Variants in FRMD6 observed in about 807,000 individuals in gnomAD.
The protein encoded by FRMD6 is FERM domain-containing protein 6.
Under a neutral mutation model 73.2 loss-of-function variants are expected in FRMD6, and 37 were observed. The observed-to-expected ratio is 0.51, with a 90% CI of 0.39 to 0.66. The LOEUF is 0.66. Among genes scored for constraint, FRMD6 ranks in the 30% least tolerant of loss-of-function variants. The pLI, the probability that FRMD6 is intolerant of heterozygous loss-of-function variation, is 0.00. For synonymous variants in FRMD6, 273 were observed against 282.2 expected (o/e 0.97, Z 0.33); for missense variants, 714 against 780.5 (o/e 0.91, Z 1.02).
intron 2 of FRMD6, among the ~76,000 whole-genome samples, chr14:51,594,306 T>TTTTTTTTA (rs1555325490): frequency 8.4e-5 from 12 of 142,996 alleles, no homozygotes; most frequent in Non-Finnish European, 1.4e-4. Flanking sequence ...TGTATTTTAT[T>TTTTTTTTA]TTTATTTATT....
intron 1 of FRMD6, among the ~76,000 whole-genome samples, chr14:51,566,983 A>G (rs1887809070): frequency 6.6e-6 from 1 of 152,170 alleles, no homozygotes; most frequent in African/African-American, 2.4e-5. Flanking sequence ...TCAAATGCCC[A>G]CAAGAGCCAG....
chr14:51,673,167 C>T (rs1894145211), intron 1 of FRMD6, among the ~76,000 whole-genome samples: 1 of 152,136 alleles, frequency 6.6e-6, no homozygotes, highest in South Asian at 2.1e-4. Context: ...GGTTTCTCCT[C>T]TGGCTAGTGG....
chr14:51,568,926 A>G (rs1427454490), intron 1 of FRMD6, among the ~76,000 whole-genome samples: 1 of 151,302 alleles, frequency 6.6e-6, no homozygotes, highest in Non-Finnish European at 1.5e-5. Flanking sequence ...GCTCACTGCA[A>G]CTTCTGCCTC....
intron 1 of FRMD6, among the ~76,000 whole-genome samples, chr14:51,535,195 T>C (rs1350015490): frequency 6.6e-6 from 1 of 152,178 alleles, no homozygotes; most frequent in Non-Finnish European, 1.5e-5. Flanking sequence ...AAAAATAGCT[T>C]ATTGAAATAT....
chr14:51,461,203 A>C, the FRMD6 span, among the ~76,000 whole-genome samples: 3 of 152,206 alleles, frequency 2.0e-5, no homozygotes, highest in African/African-American at 7.2e-5. Context: ...TTCTGTGAGA[A>C]ATTTCTCAGT....
At chr14:51,436,226 G>T in the FRMD6 span, 12 of 352,920 alleles carry the variant, frequency 3.4e-5, no homozygotes, top group African/African-American at 2.4e-4. Context: ...AAGCCAGTGA[G>T]GAGATTTTGA....
intron 1 of FRMD6, among the ~76,000 whole-genome samples, chr14:51,512,081 A>G (rs927283358): frequency 6.6e-6 from 1 of 152,196 alleles, no homozygotes; most frequent in African/African-American, 2.4e-5. Flanking sequence ...AGAACTAGAA[A>G]TGAAGACGGC....
At chr14:51,560,759 C>T (rs1365163371) in intron 1 of FRMD6, among the ~76,000 whole-genome samples, 4 of 152,182 alleles carry the variant, frequency 2.6e-5, no homozygotes, top group African/African-American at 9.7e-5. Flanking sequence ...GCTGGGATTA[C>T]AGGCGTGAGT....
At chr14:51,405,191 G>T in the FRMD6 span, among the ~76,000 whole-genome samples, 2 of 152,038 alleles carry the variant, frequency 1.3e-5, no homozygotes, top group Non-Finnish European at 2.9e-5. Context: ...GGGCATTTAG[G>T]TTGATTCCAT....
intron 2 of FRMD6, among the ~76,000 whole-genome samples, chr14:51,578,366 A>G (rs1435682069): frequency 1.3e-5 from 2 of 152,262 alleles, no homozygotes. Flanking sequence ...TTACATAAGA[A>G]GAAATATTTA....
At chr14:51,569,542 C>T (rs1305503306) in intron 1 of FRMD6, among the ~76,000 whole-genome samples, 1 of 139,098 alleles carries the variant, frequency 7.2e-6, no homozygotes, top group Admixed American at 7.4e-5. Flanking sequence ...CTCACTCTGT[C>T]GCCCAGGCTG....
chr14:51,423,702 G>A, the FRMD6 span, among the ~76,000 whole-genome samples: 81 of 152,288 alleles, frequency 5.3e-4, no homozygotes, highest in African/African-American at 1.7e-3. Context: ...GAACCAGAGC[G>A]TGATTCTGAC....
At chr14:51,467,051 G>A in the FRMD6 span, among the ~76,000 whole-genome samples, 1 of 152,060 alleles carries the variant, frequency 6.6e-6, no homozygotes, top group African/African-American at 2.4e-5. Context: ...AATAGTGGAG[G>A]GAAGGTCAGC....
intron 1 of FRMD6, among the ~76,000 whole-genome samples, chr14:51,531,025 G>A (rs1187474488): frequency 6.6e-6 from 1 of 152,182 alleles, no homozygotes; most frequent in Non-Finnish European, 1.5e-5. Context: ...TGGCAGAAGG[G>A]CAAAGAGGGT....
chr14:51,614,721 A>G (rs1288213943), intron 2 of FRMD6, among the ~76,000 whole-genome samples: 1 of 152,166 alleles, frequency 6.6e-6, no homozygotes, highest in Non-Finnish European at 1.5e-5. Context: ...TTATTTTTAG[A>G]AGCAGCATCA....
chr14:51,622,400 A>G (rs139087430), intron 2 of FRMD6, among the ~76,000 whole-genome samples: 71 of 152,292 alleles, frequency 4.7e-4, no homozygotes, highest in African/African-American at 1.6e-3. Flanking sequence ...TACCAGTGAA[A>G]TTAGGATAAA....
chr14:51,520,135 CA>C (rs1454673950), intron 1 of FRMD6, among the ~76,000 whole-genome samples: 9 of 152,084 alleles, frequency 5.9e-5, no homozygotes, highest in African/African-American at 2.2e-4. Context: ...AATACAAAGA[CA>C]AACAACCTAA....
chr14:51,400,604 G>A, the FRMD6 span, among the ~76,000 whole-genome samples: 4 of 152,038 alleles, frequency 2.6e-5, no homozygotes, highest in East Asian at 7.7e-4. Context: ...AATTCCATTG[G>A]TGTATATACT....
chr14:51,579,288 A>G (rs1316058418), intron 2 of FRMD6: 2 of 152,192 alleles, frequency 1.3e-5, no homozygotes, highest in Non-Finnish European at 2.9e-5. Context: ...ATAATAAAGA[A>G]CAAATTCCTT....
Sources: gnomAD v4.1 joint callset for allele counts (sites outside exome capture counted in the v4.1 genomes callset) on GRCh38, gnomAD v4.1.1 for gene constraint, MANE v1.5 for transcripts, NCBI Gene and HGNC (gene_info 2026-07-23, HGNC 2026-07-21) for gene names.